Variants in IGFL2 observed in about 807,000 individuals in gnomAD.
IGFL2 encodes the protein insulin growth factor-like family member 2.
Under a neutral mutation model 13.9 loss-of-function variants are expected in IGFL2, and 7 were observed. The observed-to-expected ratio is 0.51, with a 90% CI of 0.29 to 0.95. IGFL2 has a LOEUF of 0.95. Among genes scored for constraint, IGFL2 ranks in the 40% least tolerant of loss-of-function variants. IGFL2 has a pLI of 0.08. For synonymous variants in IGFL2, 55 were observed against 55.8 expected, an observed-to-expected ratio of 0.99 and a Z score of 0.07; for missense variants, 138 against 147.8, an observed-to-expected ratio of 0.93 and a Z score of 0.34.
chr19:46,212,736 T>TCC, the IGFL2 span: 462 of 149,044 alleles, frequency 3.1e-3, 3 homozygotes, highest in African/African-American at 9.3e-3. Context: ...TCTCTCTCTC[T>TCC]CCTCTCACTG....
upstream of IGFL2, among the ~76,000 whole-genome samples, chr19:46,145,540 C>T (rs1367656047): frequency 6.6e-6 from 1 of 151,750 alleles, no homozygotes; most frequent in Non-Finnish European, 1.5e-5. Flanking sequence ...CTTCTCTCCA[C>T]CTTCCCATCT....
chr19:46,084,062 A>G, the IGFL2 span, among the ~76,000 whole-genome samples: 87 of 152,358 alleles, frequency 5.7e-4, no homozygotes, highest in East Asian at 0.015. Flanking sequence ...ATGATTGGTC[A>G]GGAACATGTT....
At chr19:46,193,582 GA>G in the IGFL2 span, among the ~76,000 whole-genome samples, 869 of 151,006 alleles carry the variant, frequency 5.8e-3, 4 homozygotes, top group African/African-American at 0.018. Flanking sequence ...AATAAGGAAA[GA>G]AAAAAAAATG....
chr19:46,123,832 T>C, the IGFL2 span: 1 of 1,540,716 alleles, frequency 6.5e-7, no homozygotes, highest in South Asian at 1.2e-5. Context: ...AAGCCCTCTG[T>C]ATCCCTCATC....
At chr19:46,141,885 A>G (rs531184640), upstream of IGFL2, among the ~76,000 whole-genome samples, 43 of 152,308 alleles carry the variant, frequency 2.8e-4, no homozygotes, top group African/African-American at 9.1e-4. Flanking sequence ...CATGCAAAGA[A>G]CAAAACTTCT....
the IGFL2 span, among the ~76,000 whole-genome samples, chr19:46,169,020 A>C: frequency 6.6e-6 from 1 of 152,000 alleles, no homozygotes; most frequent in Admixed American, 6.6e-5. Flanking sequence ...TATATCCAAC[A>C]TAGTGGGACC....
the IGFL2 span, among the ~76,000 whole-genome samples, chr19:46,084,717 C>G: frequency 3.9e-5 from 6 of 152,178 alleles, no homozygotes; most frequent in African/African-American, 1.4e-4. Context: ...AAGAACTTAT[C>G]ACCAAGGGAT....
the IGFL2 span, chr19:46,212,073 A>C: frequency 6.6e-6 from 1 of 152,120 alleles, no homozygotes; most frequent in South Asian, 2.1e-4. Context: ...CAATTAAAAA[A>C]TAACATTGCT....
the IGFL2 span, among the ~76,000 whole-genome samples, chr19:46,090,601 C>G: frequency 1.3e-5 from 2 of 152,206 alleles, no homozygotes; most frequent in Non-Finnish European, 2.9e-5. Flanking sequence ...AGAGGGTGAC[C>G]TATGCTGGTA....
chr19:46,115,603 G>T, the IGFL2 span, among the ~76,000 whole-genome samples: 1 of 151,986 alleles, frequency 6.6e-6, no homozygotes, highest in Non-Finnish European at 1.5e-5. Flanking sequence ...ATTCACCTCA[G>T]GGTGAATCTG....
At chr19:46,111,663 A>G in the IGFL2 span, 2 of 152,376 alleles carry the variant, frequency 1.3e-5, no homozygotes, top group African/African-American at 4.8e-5. Flanking sequence ...CGTATATGAT[A>G]CTAATGGCTA....
At chr19:46,137,307 T>G in the IGFL2 span, 3 of 1,055,018 alleles carry the variant, frequency 2.8e-6, no homozygotes, top group East Asian at 2.4e-5. Flanking sequence ...TATTATCTCC[T>G]TCGTAGGCTC....
At chr19:46,088,376 A>G in the IGFL2 span, among the ~76,000 whole-genome samples, 3 of 152,192 alleles carry the variant, frequency 2.0e-5, no homozygotes, top group Non-Finnish European at 4.4e-5. Flanking sequence ...TGTACTAACT[A>G]ATGAACCCAT....
At chr19:46,087,273 G>A in the IGFL2 span, among the ~76,000 whole-genome samples, 1 of 152,182 alleles carries the variant, frequency 6.6e-6, no homozygotes, top group African/African-American at 2.4e-5. Flanking sequence ...GGTGCACTAG[G>A]CAGGCCATTC....
chr19:46,116,403 G>T, the IGFL2 span, among the ~76,000 whole-genome samples: 6 of 152,230 alleles, frequency 3.9e-5, no homozygotes, highest in Admixed American at 2.0e-4. Context: ...GGAAATCCTA[G>T]ATTTTAGTAA....
the IGFL2 span, among the ~76,000 whole-genome samples, chr19:46,134,768 C>T: frequency 6.6e-6 from 1 of 152,084 alleles, no homozygotes; most frequent in African/African-American, 2.4e-5. Context: ...GAAGCTCCAC[C>T]CACTAAGTCA....
the IGFL2 span, among the ~76,000 whole-genome samples, chr19:46,108,226 A>G: frequency 6.6e-6 from 1 of 152,184 alleles, no homozygotes; most frequent in Non-Finnish European, 1.5e-5. Context: ...CTGAAGGAAC[A>G]GTCAGGAGAG....
At chr19:46,101,596 C>T in the IGFL2 span, among the ~76,000 whole-genome samples, 1,638 of 152,352 alleles carry the variant, frequency 0.011, 30 homozygotes, top group African/African-American at 0.037. Flanking sequence ...ACGGCAGCCC[C>T]GAGCTGTAGT....
In IGFL2 at chr19:46,148,277, C is replaced by T; in HGVS notation, c.-2C>T. On this transcript the variant is annotated 5_prime_UTR_variant, in exon 1 of 4. Coordinates refer to ENST00000377693, the MANE Select transcript of IGFL2 (RefSeq NM_001135113.2). ...CTGTCCCATCAGCTGCTCTGAAGCT[C>T]CATGGTGCCCAGAATCTTCGGTAAG... The T allele has an allele frequency of 6.4e-7, 1 of 1,551,528 alleles. No individual in the cohort carries two copies. The highest frequency in any genetic ancestry group is 8.7e-7 in the Non-Finnish European group (1 of 1,146,860).
Sources: gnomAD v4.1 joint callset for allele counts (sites outside exome capture counted in the v4.1 genomes callset) on GRCh38, gnomAD v4.1.1 for gene constraint, MANE v1.5 for transcripts, NCBI Gene and HGNC (gene_info 2026-07-23, HGNC 2026-07-21) for gene names.